ZNF804B: variants seen among roughly 807,000 people sequenced by gnomAD.
The protein encoded by ZNF804B is zinc finger protein 804B.
In ZNF804B, 80 loss-of-function variants were observed where a neutral mutation model predicts 101.4. The ratio of observed to expected loss-of-function variants is 0.79; its 90% CI spans 0.66 to 0.95. The LOEUF (loss-of-function observed/expected upper bound fraction) is 0.95. ZNF804B is among the 40% of genes least tolerant of loss of function. The probability of loss-of-function intolerance (pLI) is 0.00; values close to 1 mark genes in which losing one functional copy is unlikely to be tolerated. For synonymous variants in ZNF804B, 622 were observed against 558.8 expected, an observed-to-expected ratio of 1.11 and a Z score of -1.59; for missense variants, 1,673 against 1,561.9, an observed-to-expected ratio of 1.07 and a Z score of -1.20.
chr7:89,220,071 A>ATG (rs1441657659), intron 2 of ZNF804B, among the ~76,000 whole-genome samples: 4,862 of 72,702 alleles, frequency 0.067, 939 homozygotes, highest in African/African-American at 0.11. Context: ...ACGCACATAT[A>ATG]TGTGTATATA....
At chr7:88,765,992 A>T (rs1433004821) in intron 1 of ZNF804B, among the ~76,000 whole-genome samples, 1 of 152,196 alleles carries the variant, frequency 6.6e-6, no homozygotes, top group Non-Finnish European at 1.5e-5. Context: ...TTAATTGAAG[A>T]TAAAAAAACA....
chr7:89,229,702 T>C (rs906537183), intron 2 of ZNF804B, among the ~76,000 whole-genome samples: 2 of 152,204 alleles, frequency 1.3e-5, no homozygotes, highest in Non-Finnish European at 2.9e-5. Context: ...AACAGTTACA[T>C]CAATCAATTG....
chr7:89,137,718 G>A (rs1024680359), intron 1 of ZNF804B, among the ~76,000 whole-genome samples: 7 of 152,088 alleles, frequency 4.6e-5, no homozygotes, highest in African/African-American at 1.7e-4. Context: ...CCCATTTTCT[G>A]GTGAGAAATT....
chr7:88,817,627 G>C (rs1183783760), intron 1 of ZNF804B, among the ~76,000 whole-genome samples: 2 of 152,142 alleles, frequency 1.3e-5, no homozygotes, highest in African/African-American at 4.8e-5. Flanking sequence ...GTTGTTCAGG[G>C]AGTTCTGGTA....
chr7:88,812,806 C>A (rs1044649366), intron 1 of ZNF804B, among the ~76,000 whole-genome samples: 1 of 152,076 alleles, frequency 6.6e-6, no homozygotes, highest in South Asian at 2.1e-4. Context: ...CACACACACA[C>A]AACCAAATAC....
At chr7:89,142,578 T>C (rs1428306709) in intron 1 of ZNF804B, among the ~76,000 whole-genome samples, 1 of 151,962 alleles carries the variant, frequency 6.6e-6, no homozygotes, top group Non-Finnish European at 1.5e-5. Flanking sequence ...TTATAATTCT[T>C]GGAGTAAATT....
chr7:89,025,540 C>T (rs1361499568), intron 1 of ZNF804B, among the ~76,000 whole-genome samples: 1 of 151,990 alleles, frequency 6.6e-6, no homozygotes, highest in Non-Finnish European at 1.5e-5. Flanking sequence ...ATAAACGTCC[C>T]AGAAAAACTT....
rs983001724 is a variant in ZNF804B at position 89,218,381 on chromosome 7, A to G, written c.249+86A>G. The G allele has an allele frequency of 6.2e-6, 9 of 1,459,790 alleles. No homozygotes were observed. In the East Asian group the frequency reaches 1.9e-4, roughly 30 times the overall value. The allele number at this position is 1,459,790 out of a possible 1,614,324, so 90.4% of individuals were successfully genotyped here. A position where few individuals can be genotyped will look rare whatever the true frequency, so the allele number is the denominator to read the frequency against. On this transcript the variant is annotated intron_variant, in intron 2 of 3. Transcript: ENST00000333190. ...TATGAATTTGACCTTATTTACTGCC[A>G]TATAAGACTGTGAGGTAAGAACATT...
In ZNF804B at chr7:88,854,549, T is replaced by TCCCTTC. The variant is rs1554340280; in HGVS notation, c.108+94467_108+94468insCTTCCC. ...TCCTTTCCTTCCTTCCTTCCTTCCTTCCTTCCTTCCTTCCTTCCTTCCTTC... is the reference window on the plus strand; with the variant it reads ...TCCTTTCCTTCCTTCCTTCCTTCCTTCCCTTCCCTTCCTTCCTTCCTTCCTTCCTTC... On this transcript the variant is annotated intron_variant, in intron 1 of 3. Transcript: ENST00000333190. 5.0e-5 allele frequency among the ~76,000 whole-genome samples: 6 copies of TCCCTTC among 120,384 alleles called. No individual in the cohort carries two copies. The East Asian group carries it at 1.1e-3, about 23-fold the overall frequency. 79.0% of individuals were successfully genotyped at this position (120,384 alleles called of 152,430 possible). A position where few individuals can be genotyped will look rare whatever the true frequency, so the allele number is the denominator to read the frequency against.
At chr7:89,265,917 T>A (rs17167953) in intron 2 of ZNF804B, among the ~76,000 whole-genome samples, 2,131 of 152,282 alleles carry the variant, frequency 0.014, 22 homozygotes, top group Non-Finnish European at 0.023. Flanking sequence ...CATATTGCAG[T>A]TCTTTTAGGG....
chr7:89,046,611 G>A (rs920327279), intron 1 of ZNF804B, among the ~76,000 whole-genome samples: 6 of 152,052 alleles, frequency 3.9e-5, no homozygotes, highest in Admixed American at 2.0e-4. Context: ...ATTCAGGCTT[G>A]TTAAAAACAT....
intron 1 of ZNF804B, among the ~76,000 whole-genome samples, chr7:89,070,021 G>C (rs1413186024): frequency 6.6e-6 from 1 of 151,992 alleles, no homozygotes; most frequent in Non-Finnish European, 1.5e-5. Flanking sequence ...GTGTCTAAAG[G>C]GTGTAAAGGT....
intron 3 of ZNF804B, 110 bp downstream of exon 3, chr7:89,327,584 T>C (rs1205121413): frequency 7.1e-6 from 10 of 1,414,064 alleles, no homozygotes; most frequent in Non-Finnish European, 9.5e-6. Flanking sequence ...AACTAATAGA[T>C]ATGTCTGAAG....
At chr7:89,242,838 A>G (rs962843039) in intron 2 of ZNF804B, among the ~76,000 whole-genome samples, 10 of 151,986 alleles carry the variant, frequency 6.6e-5, no homozygotes, top group Middle Eastern at 3.4e-3. Flanking sequence ...TACAAAGCAT[A>G]TTAGTTTAAT....
At chr7:89,211,186 G>C (rs1185773727) in intron 1 of ZNF804B, among the ~76,000 whole-genome samples, 1 of 151,966 alleles carries the variant, frequency 6.6e-6, no homozygotes, top group Non-Finnish European at 1.5e-5. Flanking sequence ...TTTTTAATAG[G>C]GTTGTTTGTT....
intron 2 of ZNF804B, among the ~76,000 whole-genome samples, chr7:89,284,718 AT>A (rs1562936907): frequency 6.6e-6 from 1 of 152,106 alleles, no homozygotes; most frequent in Non-Finnish European, 1.5e-5. Flanking sequence ...TGGAAAAAAA[AT>A]AAAGTTATTA....
intron 1 of ZNF804B, among the ~76,000 whole-genome samples, chr7:88,809,464 C>T (rs911891172): frequency 1.1e-4 from 16 of 152,118 alleles, no homozygotes; most frequent in South Asian, 4.2e-4. Context: ...ATTTGTCAGC[C>T]AGGCAATTTT....
intron 1 of ZNF804B, among the ~76,000 whole-genome samples, chr7:89,182,726 T>C (rs1222674192): frequency 6.6e-6 from 1 of 152,172 alleles, no homozygotes; most frequent in Non-Finnish European, 1.5e-5. Context: ...ATTATTAGAA[T>C]TGAATGGAAT....
intron 1 of ZNF804B, among the ~76,000 whole-genome samples, chr7:89,177,826 G>GCGGATC (rs1243465790): frequency 1.3e-5 from 2 of 151,960 alleles, no homozygotes; most frequent in Non-Finnish European, 2.9e-5. Context: ...GCCAAGGCGG[G>GCGGATC]CGGATCACGA....
Sources: gnomAD v4.1 joint callset for allele counts (sites outside exome capture counted in the v4.1 genomes callset) on GRCh38, gnomAD v4.1.1 for gene constraint, MANE v1.5 for transcripts, NCBI Gene and HGNC (gene_info 2026-07-23, HGNC 2026-07-21) for gene names.